Variants in DHRSX observed in about 807,000 individuals in gnomAD.
DHRSX encodes the protein polyprenol dehydrogenase.
DHRSX carries 31 observed loss-of-function variants against 34.0 expected under a neutral mutation model. The ratio of observed to expected loss-of-function variants is 0.91; its 90% CI spans 0.69 to 1.23. The LOEUF (loss-of-function observed/expected upper bound fraction) is 1.23. Among genes scored for constraint, DHRSX ranks in the 50% most tolerant of loss-of-function variants. DHRSX has a pLI of 0.00. For synonymous variants in DHRSX, 201 were observed against 183.8 expected, an observed-to-expected ratio of 1.09 and a Z score of -0.76; for missense variants, 414 against 428.1, an observed-to-expected ratio of 0.97 and a Z score of 0.29.
chrX:2,259,367 T>C (rs1320606330), intron 5 of DHRSX, among the ~76,000 whole-genome samples: 3 of 80,326 alleles, frequency 3.7e-5, no homozygotes, highest in Non-Finnish European at 6.6e-5. Flanking sequence ...TAGATATAGA[T>C]ATATATAGAT....
intron 1 of DHRSX, among the ~76,000 whole-genome samples, chrX:2,441,371 C>A (rs1322029139): frequency 5.3e-5 from 8 of 152,136 alleles, no homozygotes; most frequent in Non-Finnish European, 8.8e-5. Flanking sequence ...TCCTTCCATT[C>A]CCTGGATGCT....
intron 1 of DHRSX, among the ~76,000 whole-genome samples, chrX:2,459,037 G>T (rs2044355596): frequency 6.6e-6 from 1 of 152,044 alleles, no homozygotes; most frequent in African/African-American, 2.4e-5. Flanking sequence ...TACCTGGGAG[G>T]CTCAGGTGGG....
rs185736301 is a variant in DHRSX, at chrX:2,479,307, G to A, written c.109+21510C>T. 1.4e-4 allele frequency among the ~76,000 whole-genome samples: 20 copies of A among 143,016 alleles called. No individual in the cohort carries two copies. The East Asian group carries it at 1.5e-3, about 11-fold the overall frequency. The allele number at this position is 143,016 out of a possible 152,430, so 93.8% of individuals were successfully genotyped here. A position where few individuals can be genotyped will look rare whatever the true frequency, so the allele number is the denominator to read the frequency against. Reference sequence around the variant, plus strand: ...TAAGCATGTGGCCCAAGGGACTCCCGCACTGTGCACACTGAAGATGATCCC... The same window carrying A: ...TAAGCATGTGGCCCAAGGGACTCCCACACTGTGCACACTGAAGATGATCCC... On this transcript the variant is annotated intron_variant, in intron 1 of 6. Transcript: ENST00000334651.
At chrX:2,372,067 C>G (rs745843687) in intron 3 of DHRSX, among the ~76,000 whole-genome samples, 2 of 152,228 alleles carry the variant, frequency 1.3e-5, no homozygotes, top group South Asian at 4.2e-4. Context: ...ACCCCTGACC[C>G]CTGTTCTGGG....
chrX:2,292,306 T>C (rs1222390218), intron 3 of DHRSX, among the ~76,000 whole-genome samples: 7 of 152,182 alleles, frequency 4.6e-5, no homozygotes, highest in Admixed American at 3.9e-4. Context: ...CTTCCAGGAA[T>C]TGGATTCTGC....
chrX:2,303,789 A>ATGGGTGGATGGG (rs1569485707), intron 3 of DHRSX, among the ~76,000 whole-genome samples: 33 of 73,036 alleles, frequency 4.5e-4, no homozygotes, highest in African/African-American at 2.6e-3. Context: ...GGATGGATGG[A>ATGGGTGGATGGG]TGGGTGGGTG....
intron 3 of DHRSX, among the ~76,000 whole-genome samples, chrX:2,370,619 C>T (rs1443419748): frequency 1.5e-5 from 2 of 131,124 alleles, no homozygotes; most frequent in Non-Finnish European, 3.2e-5. Context: ...TTCCCTTCCT[C>T]ATTACTCACA....
In DHRSX at chrX:2,298,208, C is replaced by T. The variant is rs147556587; in HGVS notation, c.287-6605G>A. Among the ~76,000 whole-genome samples the T allele has an allele frequency of 4.9e-3, 752 of 151,998 alleles. 8 individuals carry two copies. Among genetic ancestry groups the T allele is most frequent in the African/African-American group, 0.017 (698 of 41,464 alleles). ...CTGGGGGAGGCCAAAAGGATCCTCC[C>T]CTAGAGCGTCTGGATGGAGCTCAGC... On this transcript the variant is annotated intron_variant, in intron 3 of 6. Coordinates refer to ENST00000334651, the MANE Select transcript of DHRSX (RefSeq NM_145177.3).
intron 3 of DHRSX, among the ~76,000 whole-genome samples, chrX:2,331,321 T>C (rs1428831458): frequency 1.3e-5 from 2 of 152,116 alleles, no homozygotes; most frequent in Admixed American, 6.6e-5. Context: ...TTCATGAATA[T>C]TGGAATTCAC....
intron 2 of DHRSX, among the ~76,000 whole-genome samples, chrX:2,417,370 C>T (rs1476838849): frequency 1.3e-5 from 2 of 152,188 alleles, no homozygotes; most frequent in Non-Finnish European, 2.9e-5. Context: ...AACCACACAT[C>T]ATCATGATCT....
At chrX:2,341,742 C>CT (rs2042643081) in intron 3 of DHRSX, among the ~76,000 whole-genome samples, 4 of 151,942 alleles carry the variant, frequency 2.6e-5, no homozygotes, top group Admixed American at 2.6e-4. Flanking sequence ...TTACAAAATG[C>CT]TCCCTGATAA....
intron 1 of DHRSX, among the ~76,000 whole-genome samples, chrX:2,450,322 C>T (rs2044199053): frequency 6.6e-6 from 1 of 152,036 alleles, no homozygotes; most frequent in Admixed American, 6.6e-5. Flanking sequence ...CTTGACACAA[C>T]ATTTATATAA....
At chrX:2,362,478 T>G (rs2042945012) in intron 3 of DHRSX, among the ~76,000 whole-genome samples, 1 of 152,114 alleles carries the variant, frequency 6.6e-6, no homozygotes, top group African/African-American at 2.4e-5. Context: ...TTTTTGTATT[T>G]TTAGTAGAGA....
chrX:2,436,299 C>T (rs760256704), intron 1 of DHRSX, among the ~76,000 whole-genome samples: 58 of 151,954 alleles, frequency 3.8e-4, no homozygotes, highest in Non-Finnish European at 6.6e-4. Context: ...TCTTCCCACA[C>T]CCTGGTCCCT....
At chrX:2,331,345 C>T (rs1275356847) in intron 3 of DHRSX, among the ~76,000 whole-genome samples, 1 of 148,090 alleles carries the variant, frequency 6.8e-6, no homozygotes, top group Non-Finnish European at 1.5e-5. Flanking sequence ...TTCCCGATTT[C>T]TGTTAATGTG....
At chrX:2,315,349 G>A (rs2042229908) in intron 3 of DHRSX, among the ~76,000 whole-genome samples, 1 of 152,058 alleles carries the variant, frequency 6.6e-6, no homozygotes, top group South Asian at 2.1e-4. Flanking sequence ...TGGGGTACAG[G>A]GTGAGAAAGG....
At chrX:2,372,275 C>T (rs1482441697) in intron 3 of DHRSX, among the ~76,000 whole-genome samples, 1 of 151,998 alleles carries the variant, frequency 6.6e-6, no homozygotes, top group Non-Finnish European at 1.5e-5. Flanking sequence ...AGTTTTGAGG[C>T]GAAATACATG....
intron 2 of DHRSX, among the ~76,000 whole-genome samples, chrX:2,409,154 GA>G (rs1227333219): frequency 6.6e-6 from 1 of 152,212 alleles, no homozygotes; most frequent in Non-Finnish European, 1.5e-5. Flanking sequence ...AAAATGTCAG[GA>G]TGGAAACGAA....
intron 1 of DHRSX, chrX:2,489,815 G>C: frequency 6.2e-7 from 1 of 1,613,588 alleles, no homozygotes; most frequent in Non-Finnish European, 8.5e-7. Context: ...GAGCTGGAAG[G>C]CCTGCTGGAT....
Sources: allele counts gnomAD v4.1 joint callset (sites outside exome capture counted in the v4.1 genomes callset), GRCh38; gene constraint gnomAD v4.1.1; transcripts MANE v1.5; gene names NCBI Gene and HGNC (gene_info 2026-07-23, HGNC 2026-07-21).